PCID2: variants seen among roughly 807,000 people sequenced by gnomAD.
PCID2 encodes PCI domain containing 2, also known as PCI domain-containing protein 2.
Under a neutral mutation model 61.3 loss-of-function variants are expected in PCID2, and 41 were observed. The ratio of observed to expected loss-of-function variants is 0.67; its 90% CI spans 0.52 to 0.87. The LOEUF (loss-of-function observed/expected upper bound fraction) is 0.87, where lower values mean the gene tolerates loss of function less well. Ranked by LOEUF, PCID2 falls within the 40% of genes least tolerant of loss-of-function variation. PCID2 has a pLI of 0.00. For missense variants in PCID2, 392 were observed against 493.4 expected (o/e 0.79, Z 1.95); for synonymous variants, 187 against 177.8 (o/e 1.05, Z -0.41).
At chr13:113,181,007 G>A (rs151322521) in intron 10 of PCID2, 123 bp downstream of exon 10, 2 of 646,556 alleles carry the variant, frequency 3.1e-6, no homozygotes, top group East Asian at 2.7e-5. Flanking sequence ...ATTTTGGGGT[G>A]TGCTCATACA....
downstream of PCID2, among the ~76,000 whole-genome samples, chr13:113,173,250 G>C (rs529823969): frequency 1.8e-3 from 275 of 152,338 alleles, 2 homozygotes; most frequent in Admixed American, 7.4e-3. Context: ...TGTCATGAAG[G>C]CTGCAGCTGC....
intron 1 of PCID2, among the ~76,000 whole-genome samples, chr13:113,203,609 G>T (rs1340142653): frequency 6.6e-6 from 1 of 152,160 alleles, no homozygotes; most frequent in Non-Finnish European, 1.5e-5. Flanking sequence ...GACAACACTG[G>T]TATCTGCCCA....
intron 7 of PCID2, chr13:113,187,338 T>A (rs2038207561): frequency 6.6e-6 from 1 of 152,220 alleles, no homozygotes; most frequent in Non-Finnish European, 1.5e-5. Flanking sequence ...GAGTGTCCCC[T>A]CAGGGTGGAA....
chr13:113,187,267 A>G (rs1203442557), intron 7 of PCID2: 1 of 152,222 alleles, frequency 6.6e-6, no homozygotes, highest in Non-Finnish European at 1.5e-5. Flanking sequence ...TCTATTGGAG[A>G]CTGTGACAAA....
chr13:113,197,295 T>C (rs746584315), intron 3 of PCID2, 52 bp from the exon 4 acceptor site: 2 of 1,289,382 alleles, frequency 1.6e-6, no homozygotes, highest in East Asian at 4.6e-5. Context: ...TAGCACTAGT[T>C]ATGCAGCCCA....
intron 7 of PCID2, among the ~76,000 whole-genome samples, chr13:113,189,213 G>C: frequency 6.6e-6 from 1 of 152,122 alleles, no homozygotes; most frequent in East Asian, 1.9e-4. Flanking sequence ...TCCAGCATGA[G>C]TGGAAGCAGC....
chr13:113,206,806 G>A (rs1566992128), intron 1 of PCID2, among the ~76,000 whole-genome samples: 1 of 152,194 alleles, frequency 6.6e-6, no homozygotes, highest in South Asian at 2.1e-4. Flanking sequence ...TGCCCTTTGC[G>A]GAGATGTAGG....
intron 13 of PCID2, chr13:113,178,537 G>A (rs990462903): frequency 2.5e-5 from 11 of 434,918 alleles, no homozygotes; most frequent in Non-Finnish European, 3.8e-5. Context: ...TAATGAACAC[G>A]TACAGACGCT....
chr13:113,196,209 C>T lies in PCID2; in HGVS notation c.280G>A (p.Ala94Thr), dbSNP rs765951977. ...QTVIVQSFLR[A>T]FQAHKEENWA... Reference sequence around the variant, plus strand: ...TTTTCTTCTTTGTGGGCCTGGAATGCTCGCAAGAATGATGTACTGTATTAA... The same window carrying T: ...TTTTCTTCTTTGTGGGCCTGGAATGTTCGCAAGAATGATGTACTGTATTAA... Residue 94 changes from alanine (A) to threonine (T), a missense_variant, in exon 5 of 14, where the codon GCA becomes ACA. Ala to Thr is a moderately conservative substitution (Grantham distance 58). This residue lies in a region of PCID2 where 155 missense variants were observed against 164.9 expected (regional missense o/e 0.94). Transcript: ENST00000337344. 4.4e-6 allele frequency: 7 copies of T among 1,602,736 alleles called. No individual in the cohort carries two copies. In the Admixed American group the frequency reaches 6.7e-5, roughly 15 times the overall value.
At chr13:113,169,829 G>A in the PCID2 span, among the ~76,000 whole-genome samples, 2 of 152,300 alleles carry the variant, frequency 1.3e-5, no homozygotes, top group Non-Finnish European at 2.9e-5. Flanking sequence ...CCATGTACAC[G>A]TGATCACCAC....
At chr13:113,189,315 C>A (rs937969304) in intron 7 of PCID2, among the ~76,000 whole-genome samples, 1 of 152,048 alleles carries the variant, frequency 6.6e-6, no homozygotes, top group Non-Finnish European at 1.5e-5. Flanking sequence ...TTACATTCCC[C>A]AGCCTCAGGT....
intron 8 of PCID2, among the ~76,000 whole-genome samples, chr13:113,184,894 C>T (rs117363255): frequency 0.018 from 2,720 of 151,744 alleles, 42 homozygotes; most frequent in Non-Finnish European, 0.027. Context: ...GGGCGCAGCC[C>T]TGCAGGAGCC....
At chr13:113,165,154 T>G in the PCID2 span, 3 of 1,578,354 alleles carry the variant, frequency 1.9e-6, no homozygotes. Flanking sequence ...TTCAATTTAT[T>G]GTTATGACTT....
chr13:113,207,541 G>A (rs1241608324), intron 1 of PCID2, among the ~76,000 whole-genome samples: 2 of 152,140 alleles, frequency 1.3e-5, no homozygotes, highest in Non-Finnish European at 2.9e-5. Flanking sequence ...TAGAACTTGA[G>A]GTAAGTGGTG....
At chr13:113,173,366 G>C (rs771980212), downstream of PCID2, among the ~76,000 whole-genome samples, 1 of 134,182 alleles carries the variant, frequency 7.5e-6, no homozygotes, top group Non-Finnish European at 1.6e-5. Flanking sequence ...GACAGAAATG[G>C]CATAAATGTT....
In PCID2 at chr13:113,181,115, G is replaced by A. The variant is rs761902111; in HGVS notation, c.786+15C>T. The A allele has an allele frequency of 4.0e-6, 6 of 1,508,088 alleles. No individual in the cohort carries two copies. Among genetic ancestry groups the A allele is most frequent in the Non-Finnish European group, 5.5e-6 (6 of 1,083,126 alleles). 93.4% of individuals were successfully genotyped at this position (1,508,088 alleles called of 1,614,324 possible). On this transcript the variant is annotated intron_variant, in intron 10 of 13. Coordinates refer to ENST00000337344, the MANE Select transcript of PCID2 (RefSeq NM_001127202.4). ...AAGCACCAGGATCTATAAACATGGA[G>A]TAATAATCACTCACCAATAGCATTT...
chr13:113,180,945 G>A (rs370991025), intron 10 of PCID2, among the ~76,000 whole-genome samples, 185 bp downstream of exon 10: 3 of 152,204 alleles, frequency 2.0e-5, no homozygotes, highest in African/African-American at 2.4e-5. Context: ...ACCTGGAGGC[G>A]TAAGGCATGA....
intron 6 of PCID2, among the ~76,000 whole-genome samples, chr13:113,193,967 G>A (rs776900130): frequency 2.6e-5 from 4 of 152,192 alleles, no homozygotes; most frequent in Admixed American, 6.5e-5. Context: ...ATTAGATCCC[G>A]GACATTTGAG....
At chr13:113,183,194 C>G (rs189437683) in intron 9 of PCID2, among the ~76,000 whole-genome samples, 15 of 152,246 alleles carry the variant, frequency 9.9e-5, no homozygotes, top group Non-Finnish European at 1.9e-4. Context: ...TCAATGGCTT[C>G]CTATTTCTTT....
Sources: gnomAD v4.1 joint callset for allele counts (sites outside exome capture counted in the v4.1 genomes callset) on GRCh38, gnomAD v4.1.1 for gene constraint, gnomAD v4.1.1 regional missense constraint, MANE v1.5 for transcripts, NCBI Gene and HGNC (gene_info 2026-07-23, HGNC 2026-07-21) for gene names.